Variants in TMC1 observed in about 807,000 individuals in gnomAD.
The protein encoded by TMC1 is transmembrane channel-like protein 1.
A neutral mutation model predicts 105.8 loss-of-function variants in TMC1; 84 were observed. That is an observed-to-expected ratio of 0.79 (90% CI 0.67 to 0.95). TMC1 has a LOEUF of 0.95. Ranked by LOEUF, TMC1 falls within the 40% of genes least tolerant of loss-of-function variation. The probability of loss-of-function intolerance (pLI) is 0.00; values close to 1 mark genes in which losing one functional copy is unlikely to be tolerated. For missense variants in TMC1, 817 were observed against 914.1 expected, an observed-to-expected ratio of 0.89 and a Z score of 1.37; for synonymous variants, 315 against 311.5, an observed-to-expected ratio of 1.01 and a Z score of -0.12.
At chr9:72,611,198 C>T (rs1170016082) in intron 2 of TMC1, among the ~76,000 whole-genome samples, 1 of 152,154 alleles carries the variant, frequency 6.6e-6, no homozygotes, top group Non-Finnish European at 1.5e-5. Context: ...TATTGGGAAC[C>T]ATCATTGATT....
At chr9:72,622,390 T>C (rs1177551253) in intron 3 of TMC1, among the ~76,000 whole-genome samples, 1 of 152,236 alleles carries the variant, frequency 6.6e-6, no homozygotes, top group Non-Finnish European at 1.5e-5. Flanking sequence ...CTGTGGTAGT[T>C]ACTATCTCTC....
intron 8 of TMC1, among the ~76,000 whole-genome samples, chr9:72,706,587 C>T (rs1259611033): frequency 6.6e-6 from 1 of 152,096 alleles, no homozygotes; most frequent in Non-Finnish European, 1.5e-5. Flanking sequence ...CCACCCTTTC[C>T]CCAGAGTCCC....
chr9:72,743,385 A>T (rs1183968253), intron 10 of TMC1, among the ~76,000 whole-genome samples: 7 of 150,292 alleles, frequency 4.7e-5, no homozygotes, highest in Non-Finnish European at 5.9e-5. Flanking sequence ...AAAAAAATAA[A>T]AAAAATAAAA....
In TMC1 at chr9:72,837,801, C is replaced by T. The variant is rs1434384424; in HGVS notation, c.*1828C>T. On this transcript the variant is annotated 3_prime_UTR_variant, in exon 24 of 24. Coordinates refer to ENST00000297784, the MANE Select transcript of TMC1 (RefSeq NM_138691.3). ...CTCATTCTTTTTGATCACCAAAAGG[C>T]AGCCATAGAATAATCGCACTGTTTC... The T allele has an allele frequency of 1.3e-5, 2 of 152,206 alleles. No homozygotes were observed. The highest frequency in any genetic ancestry group is 3.9e-4 in the East Asian group (2 of 5,194). 9.4% of individuals were successfully genotyped at this position (152,206 alleles called of 1,614,324 possible). A position where few individuals can be genotyped will look rare whatever the true frequency, so the allele number is the denominator to read the frequency against.
intron 5 of TMC1, chr9:72,651,582 G>A (rs1825815214): frequency 6.6e-6 from 1 of 151,948 alleles, no homozygotes; most frequent in Admixed American, 6.6e-5. Flanking sequence ...TTGATGATGT[G>A]CATGATGTCT....
intron 5 of TMC1, among the ~76,000 whole-genome samples, chr9:72,660,151 A>G (rs1453165108): frequency 6.6e-6 from 1 of 152,124 alleles, no homozygotes; most frequent in Non-Finnish European, 1.5e-5. Context: ...TCCCTCATTT[A>G]TGAAGCACCA....
In TMC1 at chr9:72,522,711, T is replaced by A. The variant is rs12348821; in HGVS notation, c.-428+798T>A. On this transcript the variant is annotated intron_variant, in intron 1 of 23. Coordinates refer to ENST00000297784, the MANE Select transcript of TMC1 (RefSeq NM_138691.3). ...TTATAACATACAGCTGTCAGAAGAG[T>A]TTTTCAATTAAAATTTCAAATGTAA... Among the ~76,000 whole-genome samples, 340 of 152,160 alleles carry A rather than the reference T, an allele frequency of 2.2e-3. 4 individuals carry two copies. Among genetic ancestry groups the A allele is most frequent in the African/African-American group, 7.9e-3 (327 of 41,500 alleles).
chr9:72,643,852 A>G (rs1825666961), intron 4 of TMC1, among the ~76,000 whole-genome samples: 1 of 152,134 alleles, frequency 6.6e-6, no homozygotes. Context: ...GAAATTGCCA[A>G]ATTGTTGTCC....
At chr9:72,770,300 A>AT (rs1491548757) in intron 12 of TMC1, among the ~76,000 whole-genome samples, 11 of 148,646 alleles carry the variant, frequency 7.4e-5, no homozygotes, top group African/African-American at 2.4e-4. Context: ...ATATATATAT[A>AT]AAATTTATTA....
intron 20 of TMC1, among the ~76,000 whole-genome samples, chr9:72,822,580 AAAT>A (rs892322187): frequency 2.6e-5 from 4 of 151,340 alleles, no homozygotes; most frequent in African/African-American, 9.7e-5. Flanking sequence ...GGGCTGAAAT[AAAT>A]AATGCAGACA....
At chr9:72,586,717 T>G (rs916967295) in intron 2 of TMC1, among the ~76,000 whole-genome samples, 1 of 152,152 alleles carries the variant, frequency 6.6e-6, no homozygotes, top group African/African-American at 2.4e-5. Flanking sequence ...TCCTGCCATG[T>G]CACTTGGTAT....
At chr9:72,538,183 A>G (rs958801800) in intron 1 of TMC1, among the ~76,000 whole-genome samples, 1 of 151,216 alleles carries the variant, frequency 6.6e-6, no homozygotes, top group Non-Finnish European at 1.5e-5. Context: ...AGTGAAAGTC[A>G]AGGTTCTTGT....
chr9:72,542,344 C>T (rs949638805), intron 1 of TMC1, among the ~76,000 whole-genome samples: 4 of 152,026 alleles, frequency 2.6e-5, no homozygotes, highest in African/African-American at 9.7e-5. Flanking sequence ...GCCTGAAGTC[C>T]CAGCTACTTG....
chr9:72,679,354 C>A (rs557235812), intron 5 of TMC1, among the ~76,000 whole-genome samples: 1 of 152,124 alleles, frequency 6.6e-6, no homozygotes, highest in African/African-American at 2.4e-5. Flanking sequence ...GGTCTATAGG[C>A]CCCTCTCTCT....
intron 8 of TMC1, among the ~76,000 whole-genome samples, chr9:72,701,615 G>A (rs920275726): frequency 6.6e-6 from 1 of 152,074 alleles, no homozygotes; most frequent in Non-Finnish European, 1.5e-5. Flanking sequence ...TAGTATTATT[G>A]TCTCTGATGA....
At chr9:72,694,412 C>A (rs1490418046) in intron 6 of TMC1, 131 bp from the exon 7 acceptor site, 18 of 735,414 alleles carry the variant, frequency 2.4e-5, no homozygotes, top group Middle Eastern at 3.6e-4. Flanking sequence ...TGATGCATCC[C>A]ATCACGATGT....
intron 13 of TMC1, among the ~76,000 whole-genome samples, chr9:72,777,195 A>T (rs1382221105): frequency 6.6e-6 from 1 of 152,186 alleles, no homozygotes; most frequent in Non-Finnish European, 1.5e-5. Flanking sequence ...ATGTTTACCC[A>T]GACAGTTATG....
intron 15 of TMC1, among the ~76,000 whole-genome samples, chr9:72,790,252 A>G (rs561822263): frequency 4.3e-4 from 65 of 152,350 alleles, no homozygotes; most frequent in Non-Finnish European, 8.4e-4. Context: ...CTTTATAAGC[A>G]TAGAATTTTC....
chr9:72,689,250 G>C (rs1264802098), intron 6 of TMC1, among the ~76,000 whole-genome samples: 13 of 151,988 alleles, frequency 8.6e-5, no homozygotes, highest in Admixed American at 7.2e-4. Flanking sequence ...TCTTTCTTCT[G>C]GGTATGGGGC....
Sources: allele counts gnomAD v4.1 joint callset (sites outside exome capture counted in the v4.1 genomes callset), GRCh38; gene constraint gnomAD v4.1.1; transcripts MANE v1.5; gene names NCBI Gene and HGNC (gene_info 2026-07-23, HGNC 2026-07-21).